The following TOM1L2 variants were observed in gnomAD, a reference collection of about 807,000 sequenced individuals.
The protein encoded by TOM1L2 is TOM1-like protein 2.
In TOM1L2, 31 loss-of-function variants were observed where a neutral mutation model predicts 67.9. The ratio of observed to expected loss-of-function variants is 0.46; its 90% CI spans 0.34 to 0.62. The LOEUF (loss-of-function observed/expected upper bound fraction) is 0.62. TOM1L2 is among the 20% of genes least tolerant of loss of function. TOM1L2 has a pLI of 0.01. For missense variants in TOM1L2, 606 were observed against 663.5 expected (o/e 0.91, Z 0.95); for synonymous variants, 256 against 254.0 (o/e 1.01, Z -0.07).
At chr17:17,863,520 T>C (rs1191918584) in intron 10 of TOM1L2, 3 of 150,742 alleles carry the variant, frequency 2.0e-5, no homozygotes, top group African/African-American at 7.3e-5. Flanking sequence ...TGGCTGGTAA[T>C]ACCTCAAATG....
intron 12 of TOM1L2, chr17:17,857,683 G>A (rs1568067938): frequency 1.7e-5 from 20 of 1,201,806 alleles, no homozygotes; most frequent in South Asian, 2.7e-5. Flanking sequence ...ACAAAGGCTC[G>A]GCAGGTCACA....
intron 1 of TOM1L2, among the ~76,000 whole-genome samples, chr17:17,920,829 T>G (rs1284514827): frequency 1.3e-5 from 2 of 151,702 alleles, no homozygotes; most frequent in Non-Finnish European, 1.5e-5. Flanking sequence ...GAGACGGGGG[T>G]TTCACCATGT....
At chr17:17,916,082 T>C (rs2039617368) in intron 1 of TOM1L2, among the ~76,000 whole-genome samples, 1 of 150,840 alleles carries the variant, frequency 6.6e-6, no homozygotes, top group Non-Finnish European at 1.5e-5. Flanking sequence ...AGATTTTTTT[T>C]TTTTTTTTTG....
chr17:17,931,436 C>T (rs1033527755), intron 1 of TOM1L2, among the ~76,000 whole-genome samples: 2 of 152,162 alleles, frequency 1.3e-5, no homozygotes, highest in African/African-American at 4.8e-5. Flanking sequence ...AACCAAATAA[C>T]TAAATGTCTC....
intron 3 of TOM1L2, among the ~76,000 whole-genome samples, chr17:17,896,974 G>T (rs908319957): frequency 6.6e-6 from 1 of 152,076 alleles, no homozygotes; most frequent in East Asian, 1.9e-4. Context: ...GCAGCCCTGC[G>T]CATTTCACAG....
At chr17:17,941,194 T>C (rs971344311) in intron 1 of TOM1L2, among the ~76,000 whole-genome samples, 3 of 152,198 alleles carry the variant, frequency 2.0e-5, no homozygotes, top group Non-Finnish European at 4.4e-5. Context: ...ACTGGCCCCC[T>C]GAAGTTCCTG....
intron 1 of TOM1L2, among the ~76,000 whole-genome samples, chr17:17,944,984 G>A (rs970736096): frequency 6.6e-6 from 1 of 152,162 alleles, no homozygotes; most frequent in Non-Finnish European, 1.5e-5. Flanking sequence ...AGCAGATGCT[G>A]CCCGCACTGC....
rs1597503834 is a variant in TOM1L2, at chr17:17,972,379, C to A, written c.-66G>T. On this transcript the variant is annotated 5_prime_UTR_variant, in exon 1 of 15. Coordinates refer to ENST00000379504, the MANE Select transcript of TOM1L2 (RefSeq NM_001082968.2). The stretch of plus-strand genomic sequence containing the variant: ...CCACCTAGGCCTCCGCTGTAACCCG[C>A]CGGACTCCCGTCCTGACTGACACTT... 1.9e-6 allele frequency: 3 copies of A among 1,544,658 alleles called. No homozygotes were observed. Among genetic ancestry groups the A allele is most frequent in the Non-Finnish European group, 2.6e-6 (3 of 1,143,604 alleles).
At chr17:17,928,519 G>A (rs899096860) in intron 1 of TOM1L2, among the ~76,000 whole-genome samples, 3 of 152,186 alleles carry the variant, frequency 2.0e-5, no homozygotes, top group Non-Finnish European at 2.9e-5. Context: ...CACAGAAGGC[G>A]ACACCCTCCC....
intron 2 of TOM1L2, among the ~76,000 whole-genome samples, chr17:17,902,887 T>C (rs1158676351): frequency 6.6e-6 from 1 of 152,214 alleles, no homozygotes; most frequent in Non-Finnish European, 1.5e-5. Flanking sequence ...ATAGGTATTA[T>C]TGGCAACCCC....
In TOM1L2 at chr17:17,882,807, C is replaced by T; in HGVS notation, c.558G>A (p.Arg186=). Reference sequence around the variant, plus strand: ...GCGAGGAATAGGAACCAGCACTTGTCCTCTGCTGTGATTGGGACCTGGGCA... The same window carrying T: ...GCGAGGAATAGGAACCAGCACTTGTTCTCTGCTGTGATTGGGACCTGGGCA... ...ATMPRSQSQQ[R]TSAGSYSSPP... The change falls in exon 6 of 15, where the codon AGG becomes AGA. Residue 186 remains arginine (R), a synonymous_variant. Transcript: ENST00000379504. 1 of 1,614,176 alleles carries T rather than the reference C, an allele frequency of 6.2e-7. No homozygotes were observed. The highest frequency in any genetic ancestry group is 1.7e-5 in the Admixed American group (1 of 60,034).
chr17:17,925,854 CAAAA>C (rs796898959), intron 1 of TOM1L2, among the ~76,000 whole-genome samples: 3 of 74,080 alleles, frequency 4.0e-5, no homozygotes, highest in Non-Finnish European at 8.5e-5. Flanking sequence ...GACCCTGTCT[CAAAA>C]AAAAAAAAAA....
chr17:17,966,661 A>C (rs2145072436), intron 1 of TOM1L2, among the ~76,000 whole-genome samples: 1 of 152,346 alleles, frequency 6.6e-6, no homozygotes, highest in South Asian at 2.1e-4. Flanking sequence ...CTGGATCAGG[A>C]GTAGATTCTA....
At chr17:17,866,209 G>T in intron 10 of TOM1L2, 87 bp downstream of exon 10, 1 of 1,447,396 alleles carries the variant, frequency 6.9e-7, no homozygotes, top group Non-Finnish European at 9.2e-7. Context: ...CTCTCTTTGG[G>T]TCTTCCAAGA....
At chr17:17,908,303 C>T (rs1250160961) in intron 1 of TOM1L2, among the ~76,000 whole-genome samples, 1 of 152,156 alleles carries the variant, frequency 6.6e-6, no homozygotes, top group East Asian at 1.9e-4. Flanking sequence ...CAAAAATTTA[C>T]TCCAAATGGA....
chr17:17,916,708 C>G (rs1252079178), intron 1 of TOM1L2, among the ~76,000 whole-genome samples: 2 of 152,124 alleles, frequency 1.3e-5, no homozygotes, highest in Non-Finnish European at 2.9e-5. Context: ...AAGTGTGAGT[C>G]CTCCAACTTT....
At chr17:17,903,538 G>A (rs866487994) in intron 2 of TOM1L2, among the ~76,000 whole-genome samples, 13 of 151,624 alleles carry the variant, frequency 8.6e-5, no homozygotes, top group African/African-American at 2.2e-4. Flanking sequence ...GCATGAACCC[G>A]GGAGGCGGAG....
intron 1 of TOM1L2, 22 bp from the exon 2 acceptor site, chr17:17,907,553 G>C (rs1387445999): frequency 2.5e-6 from 4 of 1,609,736 alleles, no homozygotes; most frequent in Middle Eastern, 1.7e-4. Flanking sequence ...GAGAGAAAAT[G>C]GGTTTACATT....
intron 7 of TOM1L2, among the ~76,000 whole-genome samples, chr17:17,877,132 C>T (rs1012278694): frequency 9.2e-5 from 14 of 152,250 alleles, no homozygotes; most frequent in Non-Finnish European, 1.8e-4. Context: ...TGCAGGCAAA[C>T]AGCTCACACT....
Sources: allele counts gnomAD v4.1 joint callset (sites outside exome capture counted in the v4.1 genomes callset), GRCh38; gene constraint gnomAD v4.1.1; transcripts MANE v1.5; gene names NCBI Gene and HGNC (gene_info 2026-07-23, HGNC 2026-07-21).